Variants in PHLDB2 observed in about 807,000 individuals in gnomAD.
The protein encoded by PHLDB2 is pleckstrin homology-like domain family B member 2.
In PHLDB2, 71 loss-of-function variants were observed where a neutral mutation model predicts 123.6. The observed-to-expected ratio is 0.57, with a 90% CI of 0.47 to 0.70. The LOEUF is 0.70. Ranked by LOEUF, PHLDB2 falls within the 30% of genes least tolerant of loss-of-function variation. The pLI is 0.00. For synonymous variants in PHLDB2, 547 were observed against 541.6 expected (o/e 1.01, Z -0.14); for missense variants, 1,446 against 1,519.5 (o/e 0.95, Z 0.80).
intron 2 of PHLDB2, among the ~76,000 whole-genome samples, chr3:111,893,033 A>T (rs532569167): frequency 6.6e-6 from 1 of 152,212 alleles, no homozygotes; most frequent in Admixed American, 6.5e-5. Flanking sequence ...GTGACTCCAC[A>T]TGTAGATTTT....
At chr3:111,953,537 TA>T (rs2070841901) in intron 11 of PHLDB2, among the ~76,000 whole-genome samples, 1 of 152,178 alleles carries the variant, frequency 6.6e-6, no homozygotes, top group Non-Finnish European at 1.5e-5. Flanking sequence ...AGGGGATAAA[TA>T]AAAATGGGTG....
chr3:111,834,134 T>TTATATGTAATAGAATTATATATATTA (rs1266463239), intron 1 of PHLDB2, among the ~76,000 whole-genome samples: 1 of 21,712 alleles, frequency 4.6e-5, no homozygotes, highest in African/African-American at 1.4e-4. Context: ...TATATATATA[T>TTATATGTAATAGAATTATATATATTA]TATATGTAAT....
At chr3:111,843,846 A>T (rs1260383152) in intron 1 of PHLDB2, among the ~76,000 whole-genome samples, 3 of 152,222 alleles carry the variant, frequency 2.0e-5, no homozygotes, top group Non-Finnish European at 2.9e-5. Context: ...GCTTCTTTTA[A>T]GTATAACTTA....
intron 2 of PHLDB2, among the ~76,000 whole-genome samples, chr3:111,886,894 A>G (rs905080321): frequency 1.3e-5 from 2 of 152,224 alleles, no homozygotes; most frequent in African/African-American, 4.8e-5. Flanking sequence ...TTAGCATACA[A>G]AAGTCTTGTA....
At chr3:111,942,749 T>C (rs902484964) in intron 8 of PHLDB2, among the ~76,000 whole-genome samples, 4 of 151,812 alleles carry the variant, frequency 2.6e-5, no homozygotes, top group Non-Finnish European at 4.4e-5. Context: ...CACGCTGTTA[T>C]AGTGTTGCTG....
chr3:111,925,670 C>T (rs2068771930), intron 5 of PHLDB2, among the ~76,000 whole-genome samples: 1 of 152,162 alleles, frequency 6.6e-6, no homozygotes, highest in African/African-American at 2.4e-5. Flanking sequence ...AAACCGCTAG[C>T]ACCATGAAGC....
intron 1 of PHLDB2, among the ~76,000 whole-genome samples, chr3:111,761,412 G>A (rs1021062283): frequency 2.0e-5 from 3 of 152,190 alleles, no homozygotes; most frequent in South Asian, 4.2e-4. Context: ...CCTTATACAC[G>A]GCATTGATTC....
chr3:111,899,302 G>T (rs9849340), intron 2 of PHLDB2, among the ~76,000 whole-genome samples: 22,741 of 152,138 alleles, frequency 0.15, 1,949 homozygotes, highest in Non-Finnish European at 0.19. Flanking sequence ...TGGGATACAT[G>T]TGTATAATGT....
At chr3:111,881,546 G>T (rs1318717914) in intron 1 of PHLDB2, among the ~76,000 whole-genome samples, 1 of 152,052 alleles carries the variant, frequency 6.6e-6, no homozygotes, top group Non-Finnish European at 1.5e-5. Context: ...GCAACAGGGG[G>T]TGTCCACAAA....
intron 5 of PHLDB2, among the ~76,000 whole-genome samples, chr3:111,921,787 A>G (rs757492202): frequency 3.0e-4 from 46 of 152,088 alleles, no homozygotes; most frequent in Non-Finnish European, 5.1e-4. Flanking sequence ...TATTTTCAGT[A>G]GAGACGGGGT....
At chr3:111,787,924 G>A (rs753033726) in intron 1 of PHLDB2, among the ~76,000 whole-genome samples, 5 of 152,102 alleles carry the variant, frequency 3.3e-5, no homozygotes, top group African/African-American at 9.7e-5. Context: ...ATAAACATTA[G>A]AGAATAAAGC....
intron 1 of PHLDB2, among the ~76,000 whole-genome samples, chr3:111,878,192 T>C (rs1285750337): frequency 6.6e-6 from 1 of 152,224 alleles, no homozygotes; most frequent in Non-Finnish European, 1.5e-5. Context: ...TAGCATGGGA[T>C]GTTTTTCCAC....
intron 1 of PHLDB2, among the ~76,000 whole-genome samples, chr3:111,826,759 G>A (rs1190650542): frequency 6.6e-6 from 1 of 151,868 alleles, no homozygotes; most frequent in East Asian, 1.9e-4. Context: ...GTGGTGGCGT[G>A]GGAGTGGGTG....
intron 1 of PHLDB2, among the ~76,000 whole-genome samples, chr3:111,823,722 A>G (rs938469782): frequency 6.6e-6 from 1 of 152,188 alleles, no homozygotes; most frequent in Non-Finnish European, 1.5e-5. Context: ...TTGATCTTTC[A>G]AATAACTTGG....
Position 111,966,649 on chromosome 3 carries a change from G to GGA in PHLDB2, c.3119_3120dup (p.Leu1041AspfsTer3). ...CAAATATTGCTAGAATAGAAGAAAT[G>GGA]GAGAGACTTTTGAAGCAGGCTCATG... On this transcript the variant is annotated frameshift_variant, in exon 14 of 18. Transcript: ENST00000431670. LOFTEE classifies it high-confidence loss of function. The GGA allele has an allele frequency of 6.2e-7, 1 of 1,613,340 alleles. No homozygotes were observed. Among genetic ancestry groups the GGA allele is most frequent in the Non-Finnish European group, 8.5e-7 (1 of 1,179,608 alleles).
chr3:111,737,994 G>A (rs767889075), intron 1 of PHLDB2, among the ~76,000 whole-genome samples: 1 of 152,118 alleles, frequency 6.6e-6, no homozygotes, highest in African/African-American at 2.4e-5. Context: ...AGAAGATGTT[G>A]CAGTGAATTG....
chr3:111,803,053 T>C (rs1381257438), intron 1 of PHLDB2, among the ~76,000 whole-genome samples: 4 of 152,200 alleles, frequency 2.6e-5, no homozygotes, highest in Non-Finnish European at 5.9e-5. Context: ...TTTATACTAA[T>C]CTCTAGAAAC....
At chr3:111,772,808 T>C (rs1170650486) in intron 1 of PHLDB2, among the ~76,000 whole-genome samples, 1 of 152,118 alleles carries the variant, frequency 6.6e-6, no homozygotes, top group Non-Finnish European at 1.5e-5. Context: ...CATGATTTCA[T>C]AAACACCTCA....
chr3:111,776,874 G>C (rs2060275514), intron 1 of PHLDB2, among the ~76,000 whole-genome samples: 1 of 152,106 alleles, frequency 6.6e-6, no homozygotes, highest in Admixed American at 6.6e-5. Flanking sequence ...AGATGCTTAA[G>C]CTGAAGACAC....
Sources: gnomAD v4.1 joint callset for allele counts (sites outside exome capture counted in the v4.1 genomes callset) on GRCh38, gnomAD v4.1.1 for gene constraint, MANE v1.5 for transcripts, NCBI Gene and HGNC (gene_info 2026-07-23, HGNC 2026-07-21) for gene names.